PDS5A: variants seen among roughly 807,000 people sequenced by gnomAD.
PDS5A encodes the protein sister chromatid cohesion protein PDS5 homolog A.
A neutral mutation model predicts 167.1 loss-of-function variants in PDS5A; 42 were observed. That is an observed-to-expected ratio of 0.25 (90% CI 0.20 to 0.33). PDS5A has a LOEUF of 0.33. Ranked by LOEUF, PDS5A falls within the 10% of genes least tolerant of loss-of-function variation. The pLI is 1.00. For synonymous variants in PDS5A, 553 were observed against 554.6 expected (o/e 1.00, Z 0.04); for missense variants, 1,033 against 1,605.9 (o/e 0.64, Z 6.10).
chr4:39,825,841 T>G (rs1188725199), intron 32 of PDS5A, among the ~76,000 whole-genome samples: 1 of 152,108 alleles, frequency 6.6e-6, no homozygotes, highest in Non-Finnish European at 1.5e-5. Context: ...GCTCAAGCGA[T>G]CTGGGAAGCC....
At chr4:39,967,457 C>G (rs1730083640) in intron 2 of PDS5A, among the ~76,000 whole-genome samples, 1 of 152,054 alleles carries the variant, frequency 6.6e-6, no homozygotes, top group Non-Finnish European at 1.5e-5. Flanking sequence ...ACAAGCCTGA[C>G]CAACATGGTG....
intron 31 of PDS5A, among the ~76,000 whole-genome samples, chr4:39,841,426 C>T (rs528949466): frequency 3.5e-4 from 54 of 152,228 alleles, no homozygotes; most frequent in African/African-American, 1.1e-3. Flanking sequence ...CATGAGCCAA[C>T]GCACCAGGCC....
At chr4:39,962,108 A>C (rs1258038040) in intron 2 of PDS5A, among the ~76,000 whole-genome samples, 1 of 151,266 alleles carries the variant, frequency 6.6e-6, no homozygotes, top group African/African-American at 2.4e-5. Flanking sequence ...CCCAGGATGG[A>C]GTGCAGTGGC....
intron 2 of PDS5A, among the ~76,000 whole-genome samples, chr4:39,944,228 T>A (rs1272412899): frequency 1.3e-5 from 2 of 151,156 alleles, no homozygotes; most frequent in East Asian, 3.9e-4. Flanking sequence ...GGAAGGTTTC[T>A]AATGTAGGTA....
chr4:39,942,301 G>C (rs1232402127), intron 2 of PDS5A, among the ~76,000 whole-genome samples: 2 of 152,064 alleles, frequency 1.3e-5, no homozygotes, highest in Non-Finnish European at 2.9e-5. Flanking sequence ...CCTCTTTACA[G>C]CTTTACACAG....
At chr4:39,873,921 G>A (rs1720258579) in intron 20 of PDS5A, among the ~76,000 whole-genome samples, 1 of 152,080 alleles carries the variant, frequency 6.6e-6, no homozygotes, top group African/African-American at 2.4e-5. Flanking sequence ...GGTGGTGCCT[G>A]TACTCTCAGC....
At chr4:39,870,624 G>A (rs1719944413) in intron 21 of PDS5A, among the ~76,000 whole-genome samples, 1 of 151,694 alleles carries the variant, frequency 6.6e-6, no homozygotes, top group Admixed American at 6.6e-5. Flanking sequence ...AAATAAGAGT[G>A]GGGTGGGGGA....
chr4:39,952,185 G>T (rs911861842), intron 2 of PDS5A, among the ~76,000 whole-genome samples: 5 of 151,912 alleles, frequency 3.3e-5, no homozygotes, highest in African/African-American at 1.2e-4. Flanking sequence ...CAAAAAAACA[G>T]CCGGGTATGG....
chr4:39,890,278 T>C lies in PDS5A; in HGVS notation c.1857A>G (p.Ala619=), dbSNP rs780535171. ...TGGCTTCTGAATCAATGTGCACAGGTGCGATTCTTTCCAACAGAAATTTGA... is the reference window on the plus strand; with the variant it reads ...TGGCTTCTGAATCAATGTGCACAGGCGCGATTCTTTCCAACAGAAATTTGA... ...EMVKFLLERI[A]PVHIDSEAIS... Residue 619 remains alanine, a synonymous_variant, in exon 17 of 33, where the codon GCA becomes GCG. Transcript: ENST00000303538. The C allele has an allele frequency of 3.2e-6, 5 of 1,570,244 alleles. No homozygotes were observed. Among genetic ancestry groups the C allele is most frequent in the South Asian group, 2.3e-5 (2 of 85,812 alleles).
chr4:39,938,266 G>C (rs1466434759), intron 2 of PDS5A, among the ~76,000 whole-genome samples: 1 of 152,164 alleles, frequency 6.6e-6, no homozygotes, highest in Non-Finnish European at 1.5e-5. Flanking sequence ...TAAATTTAAT[G>C]TGTCTGGGCC....
intron 26 of PDS5A, among the ~76,000 whole-genome samples, chr4:39,860,740 G>A (rs1293339220): frequency 6.6e-6 from 1 of 152,078 alleles, no homozygotes; most frequent in East Asian, 1.9e-4. Context: ...CAAGCCCAGA[G>A]ACAAATATCG....
At chr4:39,930,868 C>T (rs1161133813) in intron 2 of PDS5A, among the ~76,000 whole-genome samples, 1 of 152,140 alleles carries the variant, frequency 6.6e-6, no homozygotes, top group African/African-American at 2.4e-5. Flanking sequence ...ACTACCAAAA[C>T]TCATAGGATG....
chr4:39,934,027 A>G (rs1304827697), intron 2 of PDS5A, among the ~76,000 whole-genome samples: 1 of 152,200 alleles, frequency 6.6e-6, no homozygotes, highest in Non-Finnish European at 1.5e-5. Flanking sequence ...ACTGGCTGTT[A>G]GTATTGTGAA....
intron 2 of PDS5A, among the ~76,000 whole-genome samples, chr4:39,945,835 G>A (rs552160071): frequency 6.6e-6 from 1 of 152,126 alleles, no homozygotes. Flanking sequence ...CAAACATTAT[G>A]TAAGGTGTTT....
chr4:39,871,087 A>C (rs1719986963), intron 21 of PDS5A, among the ~76,000 whole-genome samples: 1 of 152,202 alleles, frequency 6.6e-6, no homozygotes, highest in African/African-American at 2.4e-5. Flanking sequence ...ATCATATAAG[A>C]GATACCTAGA....
intron 32 of PDS5A, among the ~76,000 whole-genome samples, chr4:39,832,581 G>T (rs1716005506): frequency 6.6e-6 from 1 of 152,078 alleles, no homozygotes; most frequent in Non-Finnish European, 1.5e-5. Flanking sequence ...TTGAGGCACT[G>T]AAAATATTTG....
intron 26 of PDS5A, among the ~76,000 whole-genome samples, chr4:39,853,141 A>C (rs1718255595): frequency 6.6e-6 from 1 of 152,144 alleles, no homozygotes; most frequent in South Asian, 2.1e-4. Context: ...AGATCCTGCT[A>C]TGTTGTTCAG....
At chr4:39,891,194 C>T (rs896180973) in intron 16 of PDS5A, among the ~76,000 whole-genome samples, 3 of 151,020 alleles carry the variant, frequency 2.0e-5, no homozygotes, top group South Asian at 2.1e-4. Context: ...CCACCATGCC[C>T]GGCTAATTTT....
chr4:39,894,656 T>C (rs1299081680), intron 16 of PDS5A, among the ~76,000 whole-genome samples: 1 of 152,340 alleles, frequency 6.6e-6, no homozygotes, highest in East Asian at 1.9e-4. Context: ...ACATCTATTA[T>C]AGTCCTTATC....
Sources: gnomAD v4.1 joint callset for allele counts (sites outside exome capture counted in the v4.1 genomes callset) on GRCh38, gnomAD v4.1.1 for gene constraint, MANE v1.5 for transcripts, NCBI Gene and HGNC (gene_info 2026-07-23, HGNC 2026-07-21) for gene names.